COPE: variants seen among roughly 807,000 people sequenced by gnomAD.
COPE encodes the protein coat protein complex I subunit epsilon, also known as coatomer subunit epsilon.
In COPE, 19 loss-of-function variants were observed where a neutral mutation model predicts 42.1. That is an observed-to-expected ratio of 0.45 (90% CI 0.31 to 0.66). The LOEUF (loss-of-function observed/expected upper bound fraction) is 0.66. COPE is among the 30% of genes least tolerant of loss of function. The probability of loss-of-function intolerance (pLI) is 0.05; values close to 1 mark genes in which losing one functional copy is unlikely to be tolerated. For missense variants in COPE, 402 were observed against 416.1 expected (o/e 0.97, Z 0.30); for synonymous variants, 195 against 181.3 (o/e 1.08, Z -0.60).
Position 18,907,020 on chromosome 19 carries a change from A to G in COPE, c.383T>C (p.Leu128Pro). The G allele has an allele frequency of 6.3e-7, 1 of 1,597,462 alleles. No homozygotes were observed. The highest frequency in any genetic ancestry group is 8.5e-7 in the Non-Finnish European group (1 of 1,172,504). ...GGCGGCATCCGGGTTCTGGTCGTGGAGATAGATGGAGGCGGCCATGAGCAG... is the reference window on the plus strand; with the variant it reads ...GGCGGCATCCGGGTTCTGGTCGTGGGGATAGATGGAGGCGGCCATGAGCAG... ...TFLLMAASIY[L>P]HDQNPDAALR... The change falls in exon 4 of 10, where the codon CTC becomes CCC. Residue 128 changes from leucine (L) to proline (P), a missense_variant. By Grantham distance (98) the Leu-to-Pro change is moderately conservative. Transcript: ENST00000262812.
chr19:18,907,242 G>A, intron 3 of COPE, 130 bp from the exon 4 acceptor site: 1 of 960,918 alleles, frequency 1.0e-6, no homozygotes, highest in Non-Finnish European at 1.5e-6. Flanking sequence ...GCAGCAGCAG[G>A]CCGAGCATCG....
intron 1 of COPE, among the ~76,000 whole-genome samples, chr19:18,914,186 C>T (rs900189010): frequency 1.3e-5 from 2 of 152,180 alleles, no homozygotes; most frequent in African/African-American, 4.8e-5. Flanking sequence ...CTGCAGAAAT[C>T]GAGCCCCACC....
intron 1 of COPE, among the ~76,000 whole-genome samples, chr19:18,913,657 T>C (rs2056830745): frequency 6.6e-6 from 1 of 152,200 alleles, no homozygotes; most frequent in South Asian, 2.1e-4. Context: ...GGAGGCTGGC[T>C]GACTTCCCAG....
chr19:18,911,555 AT>A (rs72129364), intron 2 of COPE, among the ~76,000 whole-genome samples: 114 of 139,608 alleles, frequency 8.2e-4, no homozygotes, highest in Middle Eastern at 3.7e-3. Context: ...TTCCTTCCCC[AT>A]TTTTTTTTTT....
At chr19:18,900,481 G>A (rs778416499) in intron 7 of COPE, 32 bp from the exon 8 acceptor site, 58 of 1,527,344 alleles carry the variant, frequency 3.8e-5, no homozygotes, top group Non-Finnish European at 5.1e-5. Flanking sequence ...GGGAGGCAGG[G>A]TCAGCCACTC....
In COPE at chr19:18,899,846, C is replaced by T. The variant is rs764306422; in HGVS notation, c.879+27G>A. The T allele has an allele frequency of 2.4e-5, 38 of 1,611,340 alleles. 1 individual carries two copies. Among genetic ancestry groups the T allele is most frequent in the East Asian group, 4.5e-5 (2 of 44,852 alleles). ...TCCAGGCGCCCCCTGGCCTGGTTCT[C>T]GGGGACAGGCCATCCCCACCACTCA... On this transcript the variant is annotated intron_variant, in intron 9 of 9. Coordinates refer to ENST00000262812, the MANE Select transcript of COPE (RefSeq NM_007263.4).
At chr19:18,914,248 A>AT (rs2056835108) in intron 1 of COPE, among the ~76,000 whole-genome samples, 1 of 152,176 alleles carries the variant, frequency 6.6e-6, no homozygotes. Flanking sequence ...ATGCAAAGAA[A>AT]CATATTATAG....
At position 18,913,254 on chromosome 19, in the gene COPE, C is replaced by T. The variant is rs138147886; in HGVS notation, c.127-208G>A. On this transcript the variant is annotated intron_variant, in intron 1 of 9. Coordinates refer to ENST00000262812, the MANE Select transcript of COPE (RefSeq NM_007263.4). ...GGGGGGTGCCTGATCTCATCCCGCG[C>T]TGACACCACCCCAGGAAGGAGGCTT... Among the ~76,000 whole-genome samples the T allele has an allele frequency of 2.2e-4, 34 of 152,346 alleles. 1 individual carries two copies. The East Asian group carries it at 6.4e-3, about 29-fold the overall frequency.
intron 7 of COPE, among the ~76,000 whole-genome samples, chr19:18,901,189 C>A (rs1374146512): frequency 6.6e-6 from 1 of 152,218 alleles, no homozygotes; most frequent in Non-Finnish European, 1.5e-5. Context: ...CCACCAGGGC[C>A]AAGGGGCACG....
intron 7 of COPE, among the ~76,000 whole-genome samples, chr19:18,900,894 C>T (rs948129813): frequency 5.9e-5 from 9 of 152,196 alleles, no homozygotes; most frequent in Admixed American, 2.0e-4. Flanking sequence ...GCACACAGGA[C>T]CCTAGGAAAC....
At chr19:18,916,924 C>T (rs2056858365) in intron 1 of COPE, among the ~76,000 whole-genome samples, 1 of 127,990 alleles carries the variant, frequency 7.8e-6, no homozygotes, top group African/African-American at 3.0e-5. Context: ...GCCTGGGTGA[C>T]ACAGAGTGAG....
intron 1 of COPE, among the ~76,000 whole-genome samples, chr19:18,914,724 C>G (rs1038633730): frequency 1.3e-5 from 2 of 151,298 alleles, no homozygotes; most frequent in Non-Finnish European, 2.9e-5. Flanking sequence ...GAGTTTGAGA[C>G]CAGCATAGGC....
Position 18,907,094 on chromosome 19 carries a change from C to T in COPE, c.309G>A (p.Glu103=). The T allele has an allele frequency of 6.2e-7, 1 of 1,612,146 alleles. No homozygotes were observed. Among genetic ancestry groups the T allele is most frequent in the Non-Finnish European group, 8.5e-7 (1 of 1,179,606 alleles). The change falls in exon 4 of 10, where the codon GAG becomes GAA. Residue 103 remains glutamate (E), a synonymous_variant. Transcript: ENST00000262812. ...HESRRDSIVA[E]LDREMSRSVD... ...CGCTCCTGCTCATCTCTCGGTCCAG[C>T]TCGGCCACGATGCTGTCCCTGCAAG...
At chr19:18,908,976 C>T (rs765504702) in intron 3 of COPE, among the ~76,000 whole-genome samples, 3 of 152,228 alleles carry the variant, frequency 2.0e-5, no homozygotes, top group South Asian at 2.1e-4. Flanking sequence ...CCAGGCTGAA[C>T]GACAGAGCAA....
intron 2 of COPE, chr19:18,911,337 C>G: frequency 2.1e-6 from 1 of 478,038 alleles, no homozygotes; most frequent in Non-Finnish European, 3.9e-6. Flanking sequence ...CCCCTGGCAG[C>G]TGTCCACCTC....
At chr19:18,902,217 C>T (rs1211940128) in intron 7 of COPE, among the ~76,000 whole-genome samples, 1 of 149,846 alleles carries the variant, frequency 6.7e-6, no homozygotes, top group Admixed American at 6.7e-5. Flanking sequence ...AGCATGGTGG[C>T]TCACACCTAT....
intron 3 of COPE, among the ~76,000 whole-genome samples, chr19:18,907,359 TGAG>T (rs1233706535): frequency 6.6e-6 from 1 of 152,000 alleles, no homozygotes; most frequent in Non-Finnish European, 1.5e-5. Flanking sequence ...CAAGGGGACA[TGAG>T]GAGGCACCGT....
intron 3 of COPE, among the ~76,000 whole-genome samples, chr19:18,908,102 C>T (rs1242716440): frequency 2.6e-5 from 4 of 152,138 alleles, no homozygotes; most frequent in Non-Finnish European, 5.9e-5. Context: ...GTTGTCGTAG[C>T]GTTGGTACTG....
At position 18,908,759 on chromosome 19, in the gene COPE, C is replaced by T. The variant is rs1005512276; in HGVS notation, c.291-1647G>A. Among the ~76,000 whole-genome samples the T allele has an allele frequency of 1.7e-4, 26 of 151,820 alleles. 1 individual carries two copies. Among genetic ancestry groups the T allele is most frequent in the African/African-American group, 7.3e-5 (3 of 41,308 alleles). ...GTCTCCATCTCCTGACCTCGTGATC[C>T]GCCCGCCTCGGCCTCCCAAAGTGCT... On this transcript the variant is annotated intron_variant, in intron 3 of 9. Coordinates refer to ENST00000262812, the MANE Select transcript of COPE (RefSeq NM_007263.4).
Sources: allele counts gnomAD v4.1 joint callset (sites outside exome capture counted in the v4.1 genomes callset), GRCh38; gene constraint gnomAD v4.1.1; transcripts MANE v1.5; gene names NCBI Gene and HGNC (gene_info 2026-07-23, HGNC 2026-07-21).